Variants in TSPAN12 observed in about 807,000 individuals in gnomAD.
TSPAN12 encodes the protein tetraspanin 12, also known as tetraspanin-12.
Under a neutral mutation model 39.2 loss-of-function variants are expected in TSPAN12, and 19 were observed. That is an observed-to-expected ratio of 0.49 (90% CI 0.34 to 0.71). The LOEUF (loss-of-function observed/expected upper bound fraction) is 0.71, where lower values mean the gene tolerates loss of function less well. TSPAN12 is among the 30% of genes least tolerant of loss of function. The pLI is 0.01. For synonymous variants in TSPAN12, 119 were observed against 124.8 expected (o/e 0.95, Z 0.31); for missense variants, 314 against 359.9 (o/e 0.87, Z 1.03).
intron 7 of TSPAN12, among the ~76,000 whole-genome samples, chr7:120,803,023 A>G (rs1793804142): frequency 6.6e-6 from 1 of 152,202 alleles, no homozygotes; most frequent in African/African-American, 2.4e-5. Flanking sequence ...AGAATATGAA[A>G]GATAAGAGAG....
At chr7:120,843,210 A>G (rs1794611107) in intron 2 of TSPAN12, among the ~76,000 whole-genome samples, 1 of 152,238 alleles carries the variant, frequency 6.6e-6, no homozygotes, top group Admixed American at 6.5e-5. Context: ...CATAAAAGTT[A>G]TAAGTGAGTC....
intron 2 of TSPAN12, among the ~76,000 whole-genome samples, chr7:120,842,314 A>T (rs760098522): frequency 1.7e-4 from 26 of 152,120 alleles, no homozygotes; most frequent in Non-Finnish European, 3.1e-4. Flanking sequence ...ATATTTACCC[A>T]ACAATTACTA....
Position 120,835,531 on chromosome 7 carries a change from T to C in TSPAN12, c.285+3246A>G, listed in dbSNP as rs369347839. ...AATATTAGATCCTCTCTTTACTAGCTGTGTAGACTTAGGCAACTCACTTAA... is the reference window on the plus strand; with the variant it reads ...AATATTAGATCCTCTCTTTACTAGCCGTGTAGACTTAGGCAACTCACTTAA... On this transcript the variant is annotated intron_variant, in intron 4 of 7. Coordinates refer to ENST00000222747, the MANE Select transcript of TSPAN12 (RefSeq NM_012338.4). Among the ~76,000 whole-genome samples the C allele has an allele frequency of 7.2e-5, 11 of 152,236 alleles. No homozygotes were observed. In the East Asian group the frequency reaches 1.5e-3, roughly 21 times the overall value.
At chr7:120,855,065 A>T (rs1794845731) in intron 2 of TSPAN12, among the ~76,000 whole-genome samples, 1 of 152,214 alleles carries the variant, frequency 6.6e-6, no homozygotes, top group African/African-American at 2.4e-5. Context: ...TTCCAAGAGG[A>T]GTGATATTTT....
chr7:120,838,562 GGA>G (rs1195697927), intron 4 of TSPAN12, among the ~76,000 whole-genome samples: 2 of 152,174 alleles, frequency 1.3e-5, no homozygotes, highest in Non-Finnish European at 2.9e-5. Context: ...ACACGTAGCT[GGA>G]GTGAAATAAT....
At position 120,828,655 on chromosome 7, in the gene TSPAN12, C is replaced by CTTT. The variant is rs752697203; in HGVS notation, c.285+10119_285+10121dup. 5.9e-3 allele frequency among the ~76,000 whole-genome samples: 734 copies of CTTT among 125,460 alleles called. 13 individuals carry two copies. The highest frequency in any genetic ancestry group is 0.019 in the African/African-American group (656 of 33,664). 82.3% of individuals were successfully genotyped at this position (125,460 alleles called of 152,430 possible). The stretch of plus-strand genomic sequence containing the variant: ...GTTCCTTAGTGTTTTTTTCTTTCTC[C>CTTT]TTTTTTTTTTTTTTTTTTTTTTACA... On this transcript the variant is annotated intron_variant, in intron 4 of 7. Transcript: ENST00000222747.
intron 3 of TSPAN12, 152 bp from the exon 4 acceptor site, chr7:120,839,064 G>T: frequency 1.2e-6 from 1 of 866,016 alleles, no homozygotes; most frequent in Non-Finnish European, 1.8e-6. Flanking sequence ...AAATCACTGT[G>T]CTATTGTTTT....
intron 4 of TSPAN12, among the ~76,000 whole-genome samples, chr7:120,825,877 T>C (rs1794275683): frequency 6.6e-6 from 1 of 152,194 alleles, no homozygotes; most frequent in Non-Finnish European, 1.5e-5. Context: ...TGAAGGTCAA[T>C]CATTCACCAC....
At chr7:120,795,738 C>T (rs903615627) in intron 7 of TSPAN12, among the ~76,000 whole-genome samples, 49 of 152,210 alleles carry the variant, frequency 3.2e-4, no homozygotes, top group African/African-American at 1.2e-3. Flanking sequence ...AAGTAAATGA[C>T]AGCAGTTAAT....
chr7:120,829,131 TAC>T (rs1240643102), intron 4 of TSPAN12, among the ~76,000 whole-genome samples: 2 of 152,152 alleles, frequency 1.3e-5, no homozygotes, highest in Non-Finnish European at 2.9e-5. Context: ...GTGATACAAC[TAC>T]AGTGTTAAAA....
rs116481869 is a variant in TSPAN12, at chr7:120,806,538, T to C, written c.612+11A>G. On this transcript the variant is annotated intron_variant, in intron 7 of 7. Transcript: ENST00000222747. Reference sequence around the variant, plus strand: ...ATTTATCCATAATAAATTAACCATATATGGCCTCACCTCTTGATAAAGGTC... The same window carrying C: ...ATTTATCCATAATAAATTAACCATACATGGCCTCACCTCTTGATAAAGGTC... 1,053 of 1,612,948 alleles carry C rather than the reference T, an allele frequency of 6.5e-4. 6 individuals carry two copies. The African/African-American group carries it at 0.011, about 17-fold the overall frequency.
chr7:120,796,866 T>C (rs2116308355), intron 7 of TSPAN12, among the ~76,000 whole-genome samples: 1 of 152,232 alleles, frequency 6.6e-6, no homozygotes, highest in East Asian at 1.9e-4. Flanking sequence ...TATAAGAACA[T>C]AGCTTCTGGC....
intron 4 of TSPAN12, among the ~76,000 whole-genome samples, chr7:120,825,654 T>C (rs991435159): frequency 3.3e-5 from 5 of 152,168 alleles, no homozygotes; most frequent in African/African-American, 9.7e-5. Flanking sequence ...CCTTTCCCGG[T>C]GATTGGAGGT....
intron 2 of TSPAN12, among the ~76,000 whole-genome samples, chr7:120,850,666 G>A (rs988024290): frequency 6.6e-6 from 1 of 151,900 alleles, no homozygotes; most frequent in South Asian, 2.1e-4. Flanking sequence ...TAAAAAGGTC[G>A]ATCAGCTTTG....
chr7:120,806,658 C>A lies in TSPAN12; in HGVS notation c.503G>T (p.Trp168Leu). ...KCCGVVYFTD[W>L]LEMTEMDWPP... is the part of the protein sequence containing the mutation. ...CCAGTCCATCTCTGTCATTTCCAAC[C>A]AGTCAGTGAAATATACTACTCCACA... The change falls in exon 7 of 8, where the codon TGG becomes TTG. Residue 168 changes from tryptophan to leucine, a missense_variant. By Grantham distance (61) the Trp-to-Leu change is moderately conservative (BLOSUM62 -2). Coordinates refer to ENST00000222747, the MANE Select transcript of TSPAN12 (RefSeq NM_012338.4). 1 of 1,613,464 alleles carries A rather than the reference C, an allele frequency of 6.2e-7. No homozygotes were observed. Among genetic ancestry groups the A allele is most frequent in the Non-Finnish European group, 8.5e-7 (1 of 1,179,574 alleles).
intron 7 of TSPAN12, 78 bp from the exon 8 acceptor site, chr7:120,788,975 CTG>C: frequency 7.0e-7 from 1 of 1,427,226 alleles, no homozygotes; most frequent in Admixed American, 1.7e-5. Flanking sequence ...AGCAAACAAT[CTG>C]TATCAGTTAA....
chr7:120,810,530 C>G lies in TSPAN12; in HGVS notation c.401G>C (p.Arg134Thr). 6.2e-7 allele frequency: 1 copy of G among 1,613,734 alleles called. No individual in the cohort carries two copies. Residue 134 changes from arginine (R) to threonine (T), a missense_variant, in exon 6 of 8, where the codon AGG becomes ACG. Coordinates refer to ENST00000222747, the MANE Select transcript of TSPAN12 (RefSeq NM_012338.4). Reference protein sequence around the residue: ...QWSDMVTLKARMTNYGLPRYR... With the variant: ...QWSDMVTLKATMTNYGLPRYR... ...TCTAGGTAATCCATAATTTGTCATC[C>G]TGGCTTTCAAAGTGACCATATCTGA...
chr7:120,821,643 C>T (rs536651416), intron 4 of TSPAN12, among the ~76,000 whole-genome samples: 98 of 152,280 alleles, frequency 6.4e-4, no homozygotes, highest in African/African-American at 2.2e-3. Context: ...CTTGTAAGCA[C>T]TTCCTAAAAA....
chr7:120,846,529 T>C (rs1794672440), intron 2 of TSPAN12, among the ~76,000 whole-genome samples: 1 of 152,196 alleles, frequency 6.6e-6, no homozygotes, highest in Non-Finnish European at 1.5e-5. Context: ...AAAAAGTGTA[T>C]ATCTTTTAAG....
Sources: allele counts gnomAD v4.1 joint callset (sites outside exome capture counted in the v4.1 genomes callset), GRCh38; gene constraint gnomAD v4.1.1; transcripts MANE v1.5; gene names NCBI Gene and HGNC (gene_info 2026-07-23, HGNC 2026-07-21).